TENM4: variants seen among roughly 807,000 people sequenced by gnomAD.
TENM4 encodes teneurin-4.
A neutral mutation model predicts 243.3 loss-of-function variants in TENM4; 82 were observed. The ratio of observed to expected loss-of-function variants is 0.34; its 90% CI spans 0.28 to 0.40. The LOEUF (loss-of-function observed/expected upper bound fraction) is 0.40. TENM4 is among the 10% of genes least tolerant of loss of function. The pLI, the probability that TENM4 is intolerant of heterozygous loss-of-function variation, is 1.00. For missense variants in TENM4, 3,138 were observed against 3,673.3 expected, an observed-to-expected ratio of 0.85 and a Z score of 3.77; for synonymous variants, 1,412 against 1,456.3, an observed-to-expected ratio of 0.97 and a Z score of 0.69.
At chr11:79,237,849 A>G (rs1016111264) in intron 2 of TENM4, among the ~76,000 whole-genome samples, 1 of 152,130 alleles carries the variant, frequency 6.6e-6, no homozygotes, top group African/African-American at 2.4e-5. Context: ...CTGCATTCCA[A>G]ATAGCTGAGG....
At chr11:79,143,636 C>T (rs1862337989) in intron 4 of TENM4, among the ~76,000 whole-genome samples, 2 of 151,604 alleles carry the variant, frequency 1.3e-5, no homozygotes, top group African/African-American at 4.9e-5. Context: ...TGTAACAAAC[C>T]TGCATGTTGT....
At chr11:78,995,595 T>C (rs1235573792) in intron 6 of TENM4, among the ~76,000 whole-genome samples, 1 of 152,022 alleles carries the variant, frequency 6.6e-6, no homozygotes, top group African/African-American at 2.4e-5. Flanking sequence ...TACAGAAAAG[T>C]AGCAAATGCA....
At chr11:79,386,845 T>G (rs1038305406) in intron 1 of TENM4, among the ~76,000 whole-genome samples, 8 of 151,900 alleles carry the variant, frequency 5.3e-5, no homozygotes, top group Admixed American at 4.6e-4. Flanking sequence ...TTTGCTACAA[T>G]CACTTTGGAA....
chr11:78,695,291 C>A (rs1281246387), intron 28 of TENM4, among the ~76,000 whole-genome samples: 11 of 152,196 alleles, frequency 7.2e-5, no homozygotes, highest in Middle Eastern at 6.8e-3. Context: ...TTCCCTTACC[C>A]CTCCCTATAC....
chr11:78,900,148 T>A (rs1195474005), intron 7 of TENM4, among the ~76,000 whole-genome samples: 64 of 152,242 alleles, frequency 4.2e-4, no homozygotes, highest in Non-Finnish European at 1.5e-5. Flanking sequence ...AACTCTTGAC[T>A]CACACTGTGA....
At chr11:78,710,006 T>G (rs1281605466) in intron 26 of TENM4, among the ~76,000 whole-genome samples, 1 of 152,154 alleles carries the variant, frequency 6.6e-6, no homozygotes, top group Non-Finnish European at 1.5e-5. Context: ...ATCAGTACCA[T>G]GTGAGCAGCA....
intron 12 of TENM4, among the ~76,000 whole-genome samples, chr11:78,823,835 G>A (rs947601682): frequency 2.6e-5 from 4 of 152,288 alleles, no homozygotes; most frequent in Non-Finnish European, 5.9e-5. Flanking sequence ...ACCTTGGCAC[G>A]TCACCAGGAT....
chr11:79,265,685 A>T (rs1477807199), intron 2 of TENM4, among the ~76,000 whole-genome samples: 1 of 151,946 alleles, frequency 6.6e-6, no homozygotes, highest in Non-Finnish European at 1.5e-5. Context: ...ATTTTTTTTT[A>T]ACATTTCTCT....
At chr11:79,204,454 T>G (rs1007157830) in intron 3 of TENM4, among the ~76,000 whole-genome samples, 29 of 152,342 alleles carry the variant, frequency 1.9e-4, no homozygotes, top group African/African-American at 6.7e-4. Flanking sequence ...GAGCTGTGAC[T>G]AGAAGTTTCC....
chr11:79,374,014 C>T (rs954406311), intron 1 of TENM4, among the ~76,000 whole-genome samples: 2 of 152,138 alleles, frequency 1.3e-5, no homozygotes, highest in Non-Finnish European at 2.9e-5. Flanking sequence ...GGCATGCAGG[C>T]AAGCCTGGGT....
chr11:79,311,818 C>T (rs1444225346), intron 1 of TENM4, among the ~76,000 whole-genome samples: 1 of 152,198 alleles, frequency 6.6e-6, no homozygotes, highest in African/African-American at 2.4e-5. Flanking sequence ...CCAGGTTCTA[C>T]CCCTGCCCAC....
rs983210611 is a variant in TENM4 at position 78,670,024 on chromosome 11, G to C, written c.6321C>G (p.Leu2107=). Residue 2107 remains leucine, a synonymous_variant, in exon 32 of 34, where the codon CTC becomes CTG. Transcript: ENST00000278550. The part of the protein sequence containing the change: ...VINETPLPID[L]YRYDDVSGKT... ...TGCCTGACACATCATCATAGCGATA[G>C]AGATCAATGGGCAGTGGGGTCTCGT... 27 of 1,613,984 alleles carry C rather than the reference G, an allele frequency of 1.7e-5. No homozygotes were observed. The highest frequency in any genetic ancestry group is 2.3e-5 in the Non-Finnish European group (27 of 1,179,884).
intron 2 of TENM4, among the ~76,000 whole-genome samples, chr11:79,254,981 C>T (rs1461293416): frequency 6.6e-6 from 1 of 152,062 alleles, no homozygotes; most frequent in Non-Finnish European, 1.5e-5. Context: ...AAAAGTCTTC[C>T]CAGTTCTGGA....
chr11:79,212,869 T>A (rs1863979617), intron 3 of TENM4, among the ~76,000 whole-genome samples: 1 of 152,108 alleles, frequency 6.6e-6, no homozygotes, highest in Non-Finnish European at 1.5e-5. Flanking sequence ...TGGCAACAAG[T>A]CTCCGCCTCC....
At chr11:79,015,593 T>C (rs886287371) in intron 6 of TENM4, among the ~76,000 whole-genome samples, 1 of 152,096 alleles carries the variant, frequency 6.6e-6, no homozygotes, top group Admixed American at 6.6e-5. Context: ...ATAAAAATTA[T>C]ATTGCAGCTT....
At chr11:78,882,244 G>A (rs1305394977) in intron 9 of TENM4, among the ~76,000 whole-genome samples, 1 of 152,188 alleles carries the variant, frequency 6.6e-6, no homozygotes, top group African/African-American at 2.4e-5. Context: ...GGAAATGAAT[G>A]GGTGTTGGGG....
At chr11:79,298,163 A>G (rs1189683567) in intron 1 of TENM4, among the ~76,000 whole-genome samples, 2 of 152,118 alleles carry the variant, frequency 1.3e-5, no homozygotes, top group African/African-American at 4.8e-5. Flanking sequence ...GGCACTGTCC[A>G]TACCTGAGCC....
intron 1 of TENM4, among the ~76,000 whole-genome samples, chr11:79,404,267 C>A (rs1858522225): frequency 1.3e-5 from 2 of 152,178 alleles, no homozygotes; most frequent in African/African-American, 4.8e-5. Flanking sequence ...AATTTCCAAA[C>A]AAGGAAGTGG....
At chr11:79,225,067 A>G (rs1275565533) in intron 2 of TENM4, among the ~76,000 whole-genome samples, 2 of 152,190 alleles carry the variant, frequency 1.3e-5, no homozygotes, top group Non-Finnish European at 2.9e-5. Context: ...CAGAAAGAAA[A>G]GTCCAGGACA....
Sources: allele counts gnomAD v4.1 joint callset (sites outside exome capture counted in the v4.1 genomes callset), GRCh38; gene constraint gnomAD v4.1.1; transcripts MANE v1.5; gene names NCBI Gene and HGNC (gene_info 2026-07-23, HGNC 2026-07-21).